MACROD2: variants seen among roughly 807,000 people sequenced by gnomAD.
MACROD2 encodes the protein mono-ADP ribosylhydrolase 2.
MACROD2 carries 36 observed loss-of-function variants against 70.4 expected under a neutral mutation model. The ratio of observed to expected loss-of-function variants is 0.51; its 90% CI spans 0.39 to 0.68. The LOEUF is 0.68. Ranked by LOEUF, MACROD2 falls within the 30% of genes least tolerant of loss-of-function variation. MACROD2 has a pLI of 0.00. For synonymous variants in MACROD2, 172 were observed against 178.8 expected (o/e 0.96, Z 0.30); for missense variants, 496 against 538.4 (o/e 0.92, Z 0.78).
chr20:14,413,180 G>A (rs1002560834), intron 3 of MACROD2, among the ~76,000 whole-genome samples: 5 of 117,926 alleles, frequency 4.2e-5, no homozygotes, highest in South Asian at 6.3e-4. Flanking sequence ...TTTAGAACCT[G>A]TGCTCTTTAC....
intron 3 of MACROD2, among the ~76,000 whole-genome samples, chr20:14,285,231 C>T (rs950483837): frequency 1.3e-5 from 2 of 152,100 alleles, no homozygotes; most frequent in Non-Finnish European, 2.9e-5. Flanking sequence ...GGGGATGAGA[C>T]CCAAGTCTAA....
At position 14,790,478 on chromosome 20, in the gene MACROD2, G is replaced by GTTCTGT. The variant is rs148567030; in HGVS notation, c.418+105522_418+105523insTGTTTC. Among the ~76,000 whole-genome samples the GTTCTGT allele has an allele frequency of 4.0e-5, 6 of 151,846 alleles. No individual in the cohort carries two copies. The East Asian group carries it at 1.2e-3, about 30-fold the overall frequency. ...GGCCTGATGAGCCACAATTGAAGTTGTTCCGTTTTATAAAAGAGTACACCA... is the reference window on the plus strand; with the variant it reads ...GGCCTGATGAGCCACAATTGAAGTTGTTCTGTTTCCGTTTTATAAAAGAGTACACCA... On this transcript the variant is annotated intron_variant, in intron 5 of 17. Coordinates refer to ENST00000684519, the MANE Select transcript of MACROD2 (RefSeq NM_001351661.2).
At chr20:15,537,239 A>G (rs980641599) in intron 8 of MACROD2, among the ~76,000 whole-genome samples, 1 of 152,112 alleles carries the variant, frequency 6.6e-6, no homozygotes, top group Non-Finnish European at 1.5e-5. Context: ...CCACCAAGTA[A>G]TATGTGCCTT....
intron 8 of MACROD2, among the ~76,000 whole-genome samples, chr20:15,612,477 G>A (rs1420107283): frequency 2.0e-5 from 3 of 152,328 alleles, no homozygotes; most frequent in East Asian, 1.9e-4. Context: ...TTAAGGCTGA[G>A]ACTAGGCTAG....
At chr20:14,755,731 T>C (rs1474902608) in intron 5 of MACROD2, among the ~76,000 whole-genome samples, 1 of 151,990 alleles carries the variant, frequency 6.6e-6, no homozygotes, top group South Asian at 2.1e-4. Flanking sequence ...TACTTTTCTA[T>C]GTCTATTTTC....
At chr20:16,022,710 C>T (rs2067020607) in intron 15 of MACROD2, among the ~76,000 whole-genome samples, 1 of 152,138 alleles carries the variant, frequency 6.6e-6, no homozygotes, top group Non-Finnish European at 1.5e-5. Flanking sequence ...TCTAATCAGC[C>T]TCCATGTCAG....
chr20:14,682,108 T>C (rs965187377), intron 4 of MACROD2, among the ~76,000 whole-genome samples: 1 of 152,106 alleles, frequency 6.6e-6, no homozygotes, highest in African/African-American at 2.4e-5. Context: ...ACCATGAAAA[T>C]TTTGAGAATT....
chr20:14,926,235 T>A (rs992416242), intron 5 of MACROD2, among the ~76,000 whole-genome samples: 2 of 152,088 alleles, frequency 1.3e-5, no homozygotes, highest in African/African-American at 2.4e-5. Flanking sequence ...TTGAGAAATA[T>A]CTGAAGCAGT....
intron 9 of MACROD2, among the ~76,000 whole-genome samples, chr20:15,869,236 T>TAGAGAGAGAGAGAGAG (rs1423223643): frequency 4.2e-3 from 142 of 33,422 alleles, no homozygotes; most frequent in South Asian, 0.011. Flanking sequence ...TATATATATA[T>TAGAGAGAGAGAGAGAG]ATAGAGAGAG....
In MACROD2 at chr20:14,445,010, C is replaced by T. The variant is rs570297840; in HGVS notation, c.272-48469C>T. Among the ~76,000 whole-genome samples the T allele has an allele frequency of 2.0e-5, 3 of 152,134 alleles. No homozygotes were observed. The South Asian group carries it at 6.2e-4, about 32-fold the overall frequency. On this transcript the variant is annotated intron_variant, in intron 3 of 17. Coordinates refer to ENST00000684519, the MANE Select transcript of MACROD2 (RefSeq NM_001351661.2). Reference sequence around the variant, plus strand: ...TTTGTCTCCTTGCTTCTACTCTTGCCCCTCTGTAGTTTGTTTCCAACACAG... The same window carrying T: ...TTTGTCTCCTTGCTTCTACTCTTGCTCCTCTGTAGTTTGTTTCCAACACAG...
intron 5 of MACROD2, among the ~76,000 whole-genome samples, chr20:14,862,464 T>TATATATATAA (rs2073361495): frequency 6.3e-4 from 1 of 1,586 alleles, no homozygotes; most frequent in Non-Finnish European, 1.2e-3. Context: ...TATATATAAA[T>TATATATATAA]ATATATATAT....
intron 5 of MACROD2, among the ~76,000 whole-genome samples, chr20:14,901,704 A>G (rs1030401970): frequency 6.6e-5 from 10 of 152,188 alleles, no homozygotes; most frequent in African/African-American, 2.4e-4. Flanking sequence ...CATCATAATT[A>G]TTTTGGAAGA....
chr20:15,831,241 A>G (rs2064053141), intron 8 of MACROD2, among the ~76,000 whole-genome samples: 1 of 152,154 alleles, frequency 6.6e-6, no homozygotes, highest in Non-Finnish European at 1.5e-5. Flanking sequence ...CATGAGGCTG[A>G]GCTGTGTTAT....
At chr20:15,444,008 C>G (rs1568812391) in intron 7 of MACROD2, among the ~76,000 whole-genome samples, 1 of 152,232 alleles carries the variant, frequency 6.6e-6, no homozygotes, top group East Asian at 1.9e-4. Context: ...CACAGAGTTG[C>G]ACAACAACCA....
chr20:15,272,845 C>T (rs1448675046), intron 6 of MACROD2, among the ~76,000 whole-genome samples: 1 of 152,150 alleles, frequency 6.6e-6, no homozygotes, highest in Admixed American at 6.6e-5. Flanking sequence ...GAATAGTCTA[C>T]AGTTGCCAAT....
At chr20:14,307,950 A>T (rs1291999618) in intron 3 of MACROD2, among the ~76,000 whole-genome samples, 2 of 152,124 alleles carry the variant, frequency 1.3e-5, no homozygotes, top group African/African-American at 4.8e-5. Flanking sequence ...GTTCATCTGC[A>T]AAGCAAACAA....
At chr20:15,308,743 C>T (rs1203618080) in intron 6 of MACROD2, among the ~76,000 whole-genome samples, 1 of 152,170 alleles carries the variant, frequency 6.6e-6, no homozygotes, top group African/African-American at 2.4e-5. Context: ...TTCTTGGCTA[C>T]AAAGTTAACC....
At chr20:14,503,556 G>C (rs1332829825) in intron 4 of MACROD2, among the ~76,000 whole-genome samples, 1 of 152,212 alleles carries the variant, frequency 6.6e-6, no homozygotes. Flanking sequence ...AGAAGACTCA[G>C]AAGTGTACAA....
intron 5 of MACROD2, among the ~76,000 whole-genome samples, chr20:14,988,909 A>G (rs1266785748): frequency 6.6e-6 from 1 of 152,130 alleles, no homozygotes; most frequent in Non-Finnish European, 1.5e-5. Flanking sequence ...TAATATTTAA[A>G]TTATTTATTC....
Sources: gnomAD v4.1 joint callset for allele counts (sites outside exome capture counted in the v4.1 genomes callset) on GRCh38, gnomAD v4.1.1 for gene constraint, MANE v1.5 for transcripts, NCBI Gene and HGNC (gene_info 2026-07-23, HGNC 2026-07-21) for gene names.